Variants in BEND5 observed in about 807,000 individuals in gnomAD.
The protein encoded by BEND5 is BEN domain containing 5.
In BEND5, 22 loss-of-function variants were observed where a neutral mutation model predicts 43.9. That is an observed-to-expected ratio of 0.50 (90% confidence interval 0.36 to 0.72). The LOEUF is 0.72. Among genes scored for constraint, BEND5 ranks in the 30% least tolerant of loss-of-function variants. The probability of loss-of-function intolerance (pLI) is 0.00; values close to 1 mark genes in which losing one functional copy is unlikely to be tolerated. For missense variants in BEND5, 428 were observed against 550.6 expected (o/e 0.78, Z 2.23); for synonymous variants, 228 against 225.9 (o/e 1.01, Z -0.08).
At chr1:48,755,558 A>C (rs1652420924) in intron 3 of BEND5, among the ~76,000 whole-genome samples, 1 of 152,194 alleles carries the variant, frequency 6.6e-6, no homozygotes, top group Non-Finnish European at 1.5e-5. Context: ...CATCAACCCT[A>C]ACCCAGGACA....
At position 48,744,077 on chromosome 1, in the gene BEND5, A is replaced by G. The variant is rs147568298; in HGVS notation, c.746-1306T>C. ...CCATTCCTGGCTACACTATATTTTA[A>G]TTGTGTGACCACAGGTGAGTAAATT... On this transcript the variant is annotated intron_variant, in intron 3 of 5. Coordinates refer to ENST00000371833, the MANE Select transcript of BEND5 (RefSeq NM_024603.4). Among the ~76,000 whole-genome samples the G allele has an allele frequency of 5.4e-3, 821 of 152,306 alleles. 6 individuals are homozygous for G. The highest frequency in any genetic ancestry group is 0.019 in the African/African-American group (771 of 41,570).
At chr1:48,743,404 T>C (rs1209992313) in intron 3 of BEND5, among the ~76,000 whole-genome samples, 1 of 152,242 alleles carries the variant, frequency 6.6e-6, no homozygotes, top group East Asian at 1.9e-4. Flanking sequence ...TAAATGGTGA[T>C]AGTTTCTAAA....
chr1:48,728,875 G>T (rs553636282), intron 5 of BEND5, among the ~76,000 whole-genome samples: 1 of 152,278 alleles, frequency 6.6e-6, no homozygotes, highest in Admixed American at 6.5e-5. Flanking sequence ...CATTATTAAG[G>T]TTCTGACAAC....
In BEND5 at chr1:48,742,634, C is replaced by G; in HGVS notation, c.883G>C (p.Asp295His). The G allele has an allele frequency of 6.3e-7, 1 of 1,588,990 alleles. No homozygotes were observed. The highest frequency in any genetic ancestry group is 8.6e-7 in the Non-Finnish European group (1 of 1,166,510). ...GCTTAAAACACTACCTTGCCATTGT[C>G]TAGGATATACTTGTCCATGACAGGC... ...PAPVMDKYIL[D>H]NGKVHLGSGI... Residue 295 changes from aspartate (D) to histidine (H), a missense_variant, in exon 4 of 6, where the codon GAC becomes CAC. Physicochemically the swap from Asp to His is moderately conservative, Grantham distance 81 (BLOSUM62 -1). This residue lies in a region of BEND5 where 243 missense variants were observed against 286.4 expected (regional missense o/e 0.85). Transcript: ENST00000371833.
At chr1:48,735,321 C>T (rs749662861) in intron 5 of BEND5, among the ~76,000 whole-genome samples, 10 of 152,028 alleles carry the variant, frequency 6.6e-5, no homozygotes, top group Non-Finnish European at 1.5e-4. Context: ...CAGATGAAGG[C>T]TGTGTCTTAC....
Position 48,736,217 on chromosome 1 carries a change from G to T in BEND5, c.1108+22C>A. On this transcript the variant is annotated intron_variant, in intron 5 of 5. Transcript: ENST00000371833. This position sits in a 1 kb window ranked among gnomAD's most constrained non-coding sequence, Gnocchi z 4.0. Reference sequence around the variant, plus strand: ...AGTAAAAGACAGAATCCCAGCCATTGTGTTTCCACTCAGTGACCTACCTCT... The same window carrying T: ...AGTAAAAGACAGAATCCCAGCCATTTTGTTTCCACTCAGTGACCTACCTCT... 1.3e-6 allele frequency: 2 copies of T among 1,598,116 alleles called. No homozygotes were observed. Among genetic ancestry groups the T allele is most frequent in the East Asian group, 2.2e-5 (1 of 44,814 alleles).
At chr1:48,776,122 A>C (rs1645066654) in intron 1 of BEND5, among the ~76,000 whole-genome samples, 1 of 152,188 alleles carries the variant, frequency 6.6e-6, no homozygotes, top group South Asian at 2.1e-4. Flanking sequence ...AGATCTGACA[A>C]TATCCTTCTT....
intron 3 of BEND5, among the ~76,000 whole-genome samples, chr1:48,744,065 C>T (rs1349756499): frequency 6.6e-6 from 1 of 152,176 alleles, no homozygotes; most frequent in African/African-American, 2.4e-5. Flanking sequence ...TTCCTGGCTA[C>T]ACTATATTTT....
chr1:48,751,156 A>G (rs1315232165), intron 3 of BEND5, among the ~76,000 whole-genome samples: 3 of 152,182 alleles, frequency 2.0e-5, no homozygotes, highest in African/African-American at 4.8e-5. Context: ...CTCTAAAGAG[A>G]CAATTTCTAA....
At chr1:48,770,484 C>T (rs2148690434) in intron 1 of BEND5, among the ~76,000 whole-genome samples, 1 of 152,250 alleles carries the variant, frequency 6.6e-6, no homozygotes, top group Non-Finnish European at 1.5e-5. Flanking sequence ...TTTAACTGTG[C>T]CTTTAAAAGC....
intron 2 of BEND5, 73 bp from the exon 3 acceptor site, chr1:48,759,357 C>T (rs1644132315): frequency 7.4e-6 from 11 of 1,496,474 alleles, no homozygotes; most frequent in Non-Finnish European, 8.9e-6. Flanking sequence ...CAATATTTCC[C>T]CAGACAATCC....
intron 3 of BEND5, among the ~76,000 whole-genome samples, chr1:48,751,976 TAGA>T (rs1193563693): frequency 6.6e-6 from 1 of 152,188 alleles, no homozygotes; most frequent in Non-Finnish European, 1.5e-5. Flanking sequence ...TCCTTCAAAG[TAGA>T]AGATGACTGA....
intron 4 of BEND5, among the ~76,000 whole-genome samples, chr1:48,738,564 A>T (rs1483117842): frequency 1.3e-5 from 2 of 152,210 alleles, no homozygotes; most frequent in Non-Finnish European, 2.9e-5. Context: ...TCCCTTGATG[A>T]CACTTGAAGC....
chr1:48,752,997 C>T (rs1219775881), intron 3 of BEND5, among the ~76,000 whole-genome samples: 1 of 152,210 alleles, frequency 6.6e-6, no homozygotes, highest in Non-Finnish European at 1.5e-5. Flanking sequence ...ATCCGCCTGC[C>T]TCGGCCTCCC....
intron 1 of BEND5, among the ~76,000 whole-genome samples, chr1:48,769,260 G>A (rs764689024): frequency 1.3e-5 from 2 of 152,092 alleles, no homozygotes; most frequent in Non-Finnish European, 2.9e-5. Context: ...CATCCACATA[G>A]GGAGAGAAGG....
At chr1:48,728,071 G>T in intron 5 of BEND5, 28 bp from the exon 6 acceptor site, 1 of 1,539,018 alleles carries the variant, frequency 6.5e-7, no homozygotes, top group Non-Finnish European at 8.8e-7. Flanking sequence ...ACAAGGCCAA[G>T]GATTAATGGT....
chr1:48,776,358 T>C (rs1349827834), intron 1 of BEND5, among the ~76,000 whole-genome samples: 1 of 152,080 alleles, frequency 6.6e-6, no homozygotes, highest in Admixed American at 6.5e-5. Flanking sequence ...GATGAAGAGA[T>C]GAAGACGGAC....
At position 48,776,794 on chromosome 1, in the gene BEND5, C is replaced by A; in HGVS notation, c.38G>T (p.Cys13Phe). The A allele has an allele frequency of 6.6e-7, 1 of 1,524,828 alleles. No homozygotes were observed. The highest frequency in any genetic ancestry group is 8.8e-7 in the Non-Finnish European group (1 of 1,136,812). 94.5% of individuals were successfully genotyped at this position (1,524,828 alleles called of 1,614,324 possible). ...CACGCACGACACGGGCAGCGCGTAG[C>A]AGACGTTGTCCTCCAGGAACCGCAC... is the stretch of plus-strand genomic sequence containing the variant. ...AFVRFLEDNVCYALPVSCVRD... is the reference protein window; with the variant it reads ...AFVRFLEDNVFYALPVSCVRD... The change falls in exon 1 of 6, where the codon TGC becomes TTC. Residue 13 changes from cysteine (C) to phenylalanine (F), a missense_variant. Transcript: ENST00000371833.
At chr1:48,756,819 G>C (rs1318178020) in intron 3 of BEND5, among the ~76,000 whole-genome samples, 2 of 152,146 alleles carry the variant, frequency 1.3e-5, no homozygotes, top group East Asian at 3.9e-4. Flanking sequence ...GGATAGGGTG[G>C]GTGGTCTATG....
Sources: allele counts gnomAD v4.1 joint callset (sites outside exome capture counted in the v4.1 genomes callset), GRCh38; gene constraint gnomAD v4.1.1; regional missense constraint gnomAD v4.1.1; non-coding constraint Gnocchi (gnomAD v3.1); transcripts MANE v1.5; gene names NCBI Gene and HGNC (gene_info 2026-07-23, HGNC 2026-07-21).